Variants in LOC128462377 observed in about 807,000 individuals in gnomAD.
At chr16:89,353,167 C>A in the LOC128462377 span, among the ~76,000 whole-genome samples, 1 of 152,020 alleles carries the variant, frequency 6.6e-6, no homozygotes, top group South Asian at 2.1e-4. Flanking sequence ...TATGGTGAAA[C>A]CCCGTCTCTA....
the LOC128462377 span, among the ~76,000 whole-genome samples, chr16:89,365,868 A>C: frequency 0.58 from 87,601 of 151,718 alleles, 25,416 homozygotes; most frequent in Middle Eastern, 0.75. Flanking sequence ...CTCCACCCCC[A>C]ACCCTCAAGC....
the LOC128462377 span, chr16:89,395,586 T>G: frequency 6.6e-6 from 1 of 152,258 alleles, no homozygotes; most frequent in Non-Finnish European, 1.5e-5. Context: ...ATTGGAACCC[T>G]CTGAAACTGC....
the LOC128462377 span, among the ~76,000 whole-genome samples, chr16:89,398,861 A>G: frequency 6.6e-6 from 1 of 152,300 alleles, no homozygotes; most frequent in East Asian, 1.9e-4. Flanking sequence ...GCCCAGGAGT[A>G]CAGATGCAGT....
the LOC128462377 span, among the ~76,000 whole-genome samples, chr16:89,384,557 GA>G: frequency 3.4e-5 from 5 of 147,894 alleles, no homozygotes; most frequent in Non-Finnish European, 7.5e-5. Flanking sequence ...GATGGGATGG[GA>G]ATGGGACAGG....
the LOC128462377 span, among the ~76,000 whole-genome samples, chr16:89,414,991 C>T: frequency 6.6e-6 from 1 of 152,198 alleles, no homozygotes; most frequent in Admixed American, 6.5e-5. Flanking sequence ...GCGGCCCAGG[C>T]TGGAGTGCAG....
At chr16:89,381,635 A>C in the LOC128462377 span, among the ~76,000 whole-genome samples, 1 of 152,226 alleles carries the variant, frequency 6.6e-6, no homozygotes. Context: ...AACATCCCCC[A>C]ACATGCCTGT....
At chr16:89,395,324 G>A in the LOC128462377 span, among the ~76,000 whole-genome samples, 1 of 152,242 alleles carries the variant, frequency 6.6e-6, no homozygotes, top group Non-Finnish European at 1.5e-5. Flanking sequence ...TGGGAGCAGC[G>A]TCGGTGTGGA....
At chr16:89,317,240 G>A in the LOC128462377 span, among the ~76,000 whole-genome samples, 14 of 152,336 alleles carry the variant, frequency 9.2e-5, no homozygotes, top group East Asian at 1.9e-3. Context: ...CTCAGGATAC[G>A]CCTCCCATAA....
chr16:89,318,412 T>C, the LOC128462377 span, among the ~76,000 whole-genome samples: 1 of 152,234 alleles, frequency 6.6e-6, no homozygotes. Context: ...TTCATACAAA[T>C]GGAACTGTGT....
chr16:89,352,848 G>T, the LOC128462377 span, among the ~76,000 whole-genome samples: 5 of 152,316 alleles, frequency 3.3e-5, no homozygotes, highest in East Asian at 9.6e-4. Flanking sequence ...TACCTGCTTT[G>T]TCAGCATCTT....
the LOC128462377 span, among the ~76,000 whole-genome samples, chr16:89,388,914 G>T: frequency 6.6e-6 from 1 of 152,164 alleles, no homozygotes; most frequent in African/African-American, 2.4e-5. Flanking sequence ...AGGTTCCAAG[G>T]AACTATGTGG....
the LOC128462377 span, among the ~76,000 whole-genome samples, chr16:89,322,018 G>C: frequency 1.3e-5 from 2 of 152,212 alleles, no homozygotes; most frequent in Non-Finnish European, 2.9e-5. Context: ...CTAACAGTAA[G>C]AGCAGAACAC....
chr16:89,374,524 C>T, the LOC128462377 span, among the ~76,000 whole-genome samples: 33 of 152,140 alleles, frequency 2.2e-4, no homozygotes, highest in Non-Finnish European at 4.1e-4. Context: ...AATTCAGAGC[C>T]GATGGCCTCT....
At chr16:89,387,121 G>C in the LOC128462377 span, among the ~76,000 whole-genome samples, 1 of 152,124 alleles carries the variant, frequency 6.6e-6, no homozygotes, top group South Asian at 2.1e-4. Flanking sequence ...CAAGAGCAGC[G>C]AGGGTGGGAG....
the LOC128462377 span, among the ~76,000 whole-genome samples, chr16:89,411,059 G>A: frequency 1.3e-5 from 2 of 152,146 alleles, no homozygotes; most frequent in African/African-American, 4.8e-5. Flanking sequence ...GCCTGCAGAG[G>A]GAGGGGCGGC....
At chr16:89,384,290 G>A in the LOC128462377 span, among the ~76,000 whole-genome samples, 1 of 152,290 alleles carries the variant, frequency 6.6e-6, no homozygotes, top group East Asian at 1.9e-4. Context: ...CAGCACTTTG[G>A]GAGACCGAGT....
At chr16:89,317,203 GC>G in the LOC128462377 span, 1 of 744,226 alleles carries the variant, frequency 1.3e-6, no homozygotes, top group East Asian at 2.7e-5. Flanking sequence ...CAGGGCTGGG[GC>G]CCGGGCCAGG....
At chr16:89,388,781 C>A in the LOC128462377 span, among the ~76,000 whole-genome samples, 1 of 152,310 alleles carries the variant, frequency 6.6e-6, no homozygotes, top group East Asian at 1.9e-4. Flanking sequence ...AGATCCCTGT[C>A]CGCAGCCCTG....
chr16:89,341,867 G>A, the LOC128462377 span, among the ~76,000 whole-genome samples: 165 of 51,380 alleles, frequency 3.2e-3, no homozygotes, highest in Middle Eastern at 0.013. Context: ...CACCCACAGC[G>A]GCCACGGCCC....
Sources: gnomAD v4.1 joint callset for allele counts (sites outside exome capture counted in the v4.1 genomes callset) on GRCh38, gnomAD v4.1.1 for gene constraint, MANE v1.5 for transcripts.